TSC22D2: variants seen among roughly 807,000 people sequenced by gnomAD.
The protein encoded by TSC22D2 is TSC22 domain family member 2.
A neutral mutation model predicts 50.1 loss-of-function variants in TSC22D2; 5 were observed. The observed-to-expected ratio is 0.10, with a 90% confidence interval of 0.05 to 0.21. The LOEUF (loss-of-function observed/expected upper bound fraction) is 0.21, where lower values mean the gene tolerates loss of function less well. TSC22D2 is among the 10% of genes least tolerant of loss of function. The pLI, the probability that TSC22D2 is intolerant of heterozygous loss-of-function variation, is 1.00. For missense variants in TSC22D2, 1,003 were observed against 1,015.5 expected (o/e 0.99, Z 0.17); for synonymous variants, 501 against 450.1 (o/e 1.11, Z -1.43).
chr3:150,430,105 T>C (rs1253547629), intron 1 of TSC22D2, among the ~76,000 whole-genome samples: 1 of 152,142 alleles, frequency 6.6e-6, no homozygotes, highest in East Asian at 1.9e-4. Flanking sequence ...TCATATAAAA[T>C]GTAAGCACTT....
At position 150,459,572 on chromosome 3, in the gene TSC22D2, G is replaced by GTTTTTTTTTTTTGTTTTTTTTTTTT. The variant is rs1721310932; in HGVS notation, c.*948_*949insGTTTTTTTTTTTTTTTTTTTTTTTT. On this transcript the variant is annotated 3_prime_UTR_variant, in exon 3 of 3. Coordinates refer to ENST00000688009, the MANE Select transcript of TSC22D2 (RefSeq NM_001303264.2). ...TAATGGAGTTTGGTTTTTTTTTGTT[G>GTTTTTTTTTTTTGTTTTTTTTTTTT]TTTTTTTTTTTTTGTCTTTTTTTTT... The GTTTTTTTTTTTTGTTTTTTTTTTTT allele has an allele frequency of 3.5e-5, 4 of 115,554 alleles. No homozygotes were observed. Among genetic ancestry groups the GTTTTTTTTTTTTGTTTTTTTTTTTT allele is most frequent in the Non-Finnish European group, 7.2e-5 (4 of 55,816 alleles). 7.2% of individuals were successfully genotyped at this position (115,554 alleles called of 1,614,324 possible). A position where few individuals can be genotyped will look rare whatever the true frequency, so the allele number is the denominator to read the frequency against.
At position 150,464,296 on chromosome 3, in the gene TSC22D2, G is replaced by A. The variant is rs1559855066; in HGVS notation, c.*5660G>A. ...ACCTGAGGAAGATCAGAGACAGCAA[G>A]GGAACATTTTCCCCACACTTGAGAT... On this transcript the variant is annotated 3_prime_UTR_variant, in exon 3 of 3. Transcript: ENST00000688009. 1 of 151,984 alleles carries A rather than the reference G, an allele frequency of 6.6e-6. No individual in the cohort carries two copies. The highest frequency in any genetic ancestry group is 1.5e-5 in the Non-Finnish European group (1 of 68,016). The allele number at this position is 151,984 out of a possible 1,614,324, so 9.4% of individuals were successfully genotyped here.
At chr3:150,429,622 G>T (rs1356136605) in intron 1 of TSC22D2, among the ~76,000 whole-genome samples, 1 of 152,158 alleles carries the variant, frequency 6.6e-6, no homozygotes, top group African/African-American at 2.4e-5. Flanking sequence ...GAAAGAAATT[G>T]TATGTAGAGT....
intron 1 of TSC22D2, among the ~76,000 whole-genome samples, chr3:150,427,219 G>T (rs745631930): frequency 6.6e-6 from 1 of 152,040 alleles, no homozygotes; most frequent in Non-Finnish European, 1.5e-5. Context: ...AGTATAATTT[G>T]TATCGGAAAA....
intron 1 of TSC22D2, among the ~76,000 whole-genome samples, chr3:150,451,296 T>C (rs534393959): frequency 6.6e-6 from 1 of 152,320 alleles, no homozygotes; most frequent in South Asian, 2.1e-4. Flanking sequence ...TCTTCAGCTT[T>C]CTAACAAACC....
At chr3:150,452,853 A>G (rs940725110) in intron 1 of TSC22D2, among the ~76,000 whole-genome samples, 1 of 152,186 alleles carries the variant, frequency 6.6e-6, no homozygotes, top group Non-Finnish European at 1.5e-5. Flanking sequence ...ACAATTTTTA[A>G]TGCATCTGTA....
chr3:150,450,424 C>T (rs1330168669), intron 1 of TSC22D2, among the ~76,000 whole-genome samples: 1 of 151,716 alleles, frequency 6.6e-6, no homozygotes, highest in Non-Finnish European at 1.5e-5. Context: ...TTTTGTGTTA[C>T]TGCTAATAAT....
chr3:150,426,710 C>T (rs1473496692), intron 1 of TSC22D2, among the ~76,000 whole-genome samples: 1 of 152,126 alleles, frequency 6.6e-6, no homozygotes, highest in Non-Finnish European at 1.5e-5. Context: ...GTCTGCTTGT[C>T]TGTCCTTATG....
chr3:150,439,434 G>T (rs1046121743), intron 1 of TSC22D2, among the ~76,000 whole-genome samples: 1 of 152,186 alleles, frequency 6.6e-6, no homozygotes, highest in African/African-American at 2.4e-5. Context: ...ATAGTAGTCT[G>T]GAAGGAAATA....
intron 1 of TSC22D2, among the ~76,000 whole-genome samples, chr3:150,422,663 T>A (rs1720052562): frequency 6.6e-6 from 1 of 152,350 alleles, no homozygotes; most frequent in Middle Eastern, 3.4e-3. Flanking sequence ...TTTATATGAA[T>A]ACCTAAGAAC....
intron 1 of TSC22D2, among the ~76,000 whole-genome samples, chr3:150,418,413 C>T (rs1282794559): frequency 1.3e-5 from 2 of 151,828 alleles, no homozygotes; most frequent in South Asian, 2.1e-4. Flanking sequence ...AAAAATTATT[C>T]TCTGCATAGG....
chr3:150,438,171 CATTT>C (rs1196369076), intron 1 of TSC22D2: 4 of 379,218 alleles, frequency 1.1e-5, no homozygotes, highest in Non-Finnish European at 2.2e-5. Flanking sequence ...TTGATTAAAA[CATTT>C]ATTTACTTAA....
chr3:150,445,020 G>C (rs2108093660), intron 1 of TSC22D2, among the ~76,000 whole-genome samples: 1 of 152,040 alleles, frequency 6.6e-6, no homozygotes, highest in East Asian at 1.9e-4. Flanking sequence ...AGGAAGACCT[G>C]GGATATTTTT....
In TSC22D2 at chr3:150,409,703, C is replaced by T. The variant is rs778393786; in HGVS notation, c.353C>T (p.Ala118Val). Residue 118 changes from alanine (A) to valine (V), a missense_variant, in exon 1 of 3, where the codon GCC becomes GTC. Physicochemically the swap from Ala to Val is moderately conservative, Grantham distance 64. Coordinates refer to ENST00000688009, the MANE Select transcript of TSC22D2 (RefSeq NM_001303264.2). This position sits in a 1 kb window ranked among gnomAD's most constrained non-coding sequence, Gnocchi z 7.4. Reference sequence around the variant, plus strand: ...GCCCGGAGCGTGTCTGGGGCGCTCGCCAGTACCCTGGCGGCGGCTGCCACT... The same window carrying T: ...GCCCGGAGCGTGTCTGGGGCGCTCGTCAGTACCCTGGCGGCGGCTGCCACT... Reference protein sequence around the residue: ...VSARSVSGALASTLAAAATSA... With the variant: ...VSARSVSGALVSTLAAAATSA... The T allele has an allele frequency of 4.4e-6, 7 of 1,590,966 alleles. No individual in the cohort carries two copies. The highest frequency in any genetic ancestry group is 6.0e-6 in the Non-Finnish European group (7 of 1,171,840).
In TSC22D2 at chr3:150,431,647, AG is replaced by A. The variant is rs983544166; in HGVS notation, c.1958+20340del. Reference sequence around the variant, plus strand: ...AGGAAAAAAATGTACTTGCTTAGCTAGTTTGTACTATTGGGAGTATTCGAAA... The same window carrying A: ...AGGAAAAAAATGTACTTGCTTAGCTATTTGTACTATTGGGAGTATTCGAAA... On this transcript the variant is annotated intron_variant, in intron 1 of 2. Transcript: ENST00000688009. 5.9e-5 allele frequency among the ~76,000 whole-genome samples: 9 copies of A among 152,260 alleles called. No individual in the cohort carries two copies. In the South Asian group the frequency reaches 1.5e-3, roughly 25 times the overall value.
chr3:150,411,305 A>G lies in TSC22D2; in HGVS notation c.1955A>G (p.Asp652Gly), dbSNP rs934239489. Reference sequence around the variant, plus strand: ...GCTATTCCTGTTGATGGTGATGAAGACAGGTATGGAAATCTCTATTTTAAA... The same window carrying G: ...GCTATTCCTGTTGATGGTGATGAAGGCAGGTATGGAAATCTCTATTTTAAA... ...SIAIPVDGDE[D>G]SASGGGVVAI... The change falls in exon 1 of 3, where the codon GAC becomes GGC. Residue 652 changes from aspartate (D) to glycine (G), a missense_variant. Transcript: ENST00000688009. 4 of 1,602,884 alleles carry G rather than the reference A, an allele frequency of 2.5e-6. No individual in the cohort carries two copies. In the Admixed American group the frequency reaches 5.1e-5, roughly 21 times the overall value.
chr3:150,459,646 CACAATTTTCTTT>C lies in TSC22D2; in HGVS notation c.*1013_*1024del, dbSNP rs1451189976. 1 of 118,526 alleles carries C rather than the reference CACAATTTTCTTT, an allele frequency of 8.4e-6. No homozygotes were observed. Among genetic ancestry groups the C allele is most frequent in the Non-Finnish European group, 1.7e-5 (1 of 57,224 alleles). 7.3% of individuals were successfully genotyped at this position (118,526 alleles called of 1,614,324 possible). A position where few individuals can be genotyped will look rare whatever the true frequency, so the allele number is the denominator to read the frequency against. On this transcript the variant is annotated 3_prime_UTR_variant, in exon 3 of 3. Transcript: ENST00000688009. ...TATTTTTATTTAGTGTTTTCTCAGT[CACAATTTTCTTT>C]ACTGTCTAGCATGATCTGCATGACC...
intron 1 of TSC22D2, among the ~76,000 whole-genome samples, chr3:150,428,050 C>G (rs1041032250): frequency 6.6e-6 from 1 of 151,932 alleles, no homozygotes; most frequent in African/African-American, 2.4e-5. Context: ...TGTAAGTGTC[C>G]TTTTTCTGTT....
chr3:150,445,384 TCAAA>T (rs1414376824), intron 1 of TSC22D2, among the ~76,000 whole-genome samples: 1 of 150,642 alleles, frequency 6.6e-6, no homozygotes, highest in Non-Finnish European at 1.5e-5. Context: ...AAATCTCAAG[TCAAA>T]CAATTTTTAT....
Sources: allele counts gnomAD v4.1 joint callset (sites outside exome capture counted in the v4.1 genomes callset), GRCh38; gene constraint gnomAD v4.1.1; non-coding constraint Gnocchi (gnomAD v3.1); transcripts MANE v1.5; gene names NCBI Gene and HGNC (gene_info 2026-07-23, HGNC 2026-07-21).